NLRP14: variants seen among roughly 807,000 people sequenced by gnomAD.
NLRP14 encodes NLR family pyrin domain containing 14.
In NLRP14, 105 loss-of-function variants were observed where a neutral mutation model predicts 94.7. The ratio of observed to expected loss-of-function variants is 1.11; its 90% CI spans 0.95 to 1.30. The LOEUF is 1.30. Among genes scored for constraint, NLRP14 ranks in the 50% most tolerant of loss-of-function variants. NLRP14 has a pLI of 0.00. For synonymous variants in NLRP14, 508 were observed against 459.9 expected (o/e 1.10, Z -1.34); for missense variants, 1,362 against 1,254.1 (o/e 1.09, Z -1.30).
At chr11:7,090,286 G>A in the NLRP14 span, 25 of 1,599,210 alleles carry the variant, frequency 1.6e-5, no homozygotes, top group Non-Finnish European at 2.0e-5. Flanking sequence ...GGAGGAGGCC[G>A]GAGCAGATAC....
chr11:7,056,872 C>CA (rs1272285136), intron 6 of NLRP14, among the ~76,000 whole-genome samples: 1 of 151,984 alleles, frequency 6.6e-6, no homozygotes, highest in Admixed American at 6.6e-5. Flanking sequence ...AGCCTTAGGC[C>CA]ATGTTCTAGG....
intron 1 of NLRP14, among the ~76,000 whole-genome samples, chr11:7,031,831 C>T (rs973432873): frequency 1.3e-5 from 2 of 152,148 alleles, no homozygotes; most frequent in Non-Finnish European, 2.9e-5. Context: ...CACTGGTGCT[C>T]CAGGTTATCA....
In NLRP14 at chr11:7,049,560, A is replaced by G. The variant is rs996395881; in HGVS notation, c.2124-111A>G. ...AACCCAATTGTTTTAGATGAAAATA[A>G]GATAAAAGAATATTCATGTAATATC... On this transcript the variant is annotated intron_variant, in intron 5 of 11. Coordinates refer to ENST00000299481, the MANE Select transcript of NLRP14 (RefSeq NM_176822.4). 4.9e-6 allele frequency: 4 copies of G among 809,656 alleles called. No homozygotes were observed. In the African/African-American group the frequency reaches 5.2e-5, roughly 10 times the overall value. The allele number at this position is 809,656 out of a possible 1,614,324, so 50.2% of individuals were successfully genotyped here.
chr11:7,038,649 G>A lies in NLRP14; in HGVS notation c.63G>A (p.Glu21=), dbSNP rs907877272. The A allele has an allele frequency of 6.2e-7, 1 of 1,613,836 alleles. No individual in the cohort carries two copies. The highest frequency in any genetic ancestry group is 8.5e-7 in the Non-Finnish European group (1 of 1,179,794). ...PDFGLLLYLE[E]LNKEELNTFK... Reference sequence around the variant, plus strand: ...TTGGGCTGCTATTGTATTTGGAGGAGCTAAACAAAGAGGAATTAAATACAT... The same window carrying A: ...TTGGGCTGCTATTGTATTTGGAGGAACTAAACAAAGAGGAATTAAATACAT... Residue 21 remains glutamate, a synonymous_variant, in exon 2 of 12, where the codon GAG becomes GAA. Coordinates refer to ENST00000299481, the MANE Select transcript of NLRP14 (RefSeq NM_176822.4).
the NLRP14 span, chr11:7,089,706 C>T: frequency 9.2e-6 from 14 of 1,523,074 alleles, no homozygotes; most frequent in South Asian, 3.6e-5. Context: ...CCCACCGCGC[C>T]GGGAGCCGCT....
intron 5 of NLRP14, 145 bp from the exon 6 acceptor site, chr11:7,049,526 T>C: frequency 6.0e-6 from 4 of 669,702 alleles, no homozygotes; most frequent in Non-Finnish European, 1.0e-5. Flanking sequence ...AAATAGAAAT[T>C]GAAGTTATAA....
intron 1 of NLRP14, among the ~76,000 whole-genome samples, chr11:7,028,631 A>G (rs902732): frequency 0.58 from 87,894 of 151,972 alleles, 26,399 homozygotes; most frequent in East Asian, 0.73. Flanking sequence ...ATAGAGCTCT[A>G]CATGATATCT....
At chr11:7,089,160 G>A in the NLRP14 span, 1 of 1,614,046 alleles carries the variant, frequency 6.2e-7, no homozygotes, top group Non-Finnish European at 8.5e-7. Context: ...GTTCATTGGG[G>A]GCCTCAACCT....
chr11:7,057,928 C>T (rs910683871), intron 7 of NLRP14, 81 bp downstream of exon 7: 15 of 1,170,822 alleles, frequency 1.3e-5, no homozygotes, highest in Non-Finnish European at 1.9e-5. Context: ...AGGGAAACTT[C>T]TTGGGTCTTG....
In NLRP14 at chr11:7,060,002, C is replaced by T. The variant is rs916547285; in HGVS notation, c.2742C>T (p.Asp914=). ...ATCTAGGATCAAACTGGCTACAAGA[C>T]AATGGAGTGAAGCTTCTGTGTGATG... ...HLDLGSNWLQ[D]NGVKLLCDVF... Residue 914 remains aspartate, a synonymous_variant, in exon 9 of 12, where the codon GAC becomes GAT. Coordinates refer to ENST00000299481, the MANE Select transcript of NLRP14 (RefSeq NM_176822.4). The T allele has an allele frequency of 1.2e-5, 20 of 1,612,646 alleles. No individual in the cohort carries two copies. Among genetic ancestry groups the T allele is most frequent in the Admixed American group, 1.7e-5 (1 of 59,918 alleles).
At chr11:7,069,440 A>G (rs913715330) in intron 10 of NLRP14, among the ~76,000 whole-genome samples, 1 of 152,208 alleles carries the variant, frequency 6.6e-6, no homozygotes, top group South Asian at 2.1e-4. Flanking sequence ...GTTCACGTAT[A>G]TACTATTATC....
the NLRP14 span, among the ~76,000 whole-genome samples, chr11:7,082,068 C>A: frequency 6.6e-6 from 1 of 152,140 alleles, no homozygotes; most frequent in Admixed American, 6.5e-5. Flanking sequence ...TCCTACCACT[C>A]AGGAGTCTCC....
At chr11:7,062,671 T>A (rs1589871990) in intron 10 of NLRP14, among the ~76,000 whole-genome samples, 168 bp downstream of exon 10, 1 of 152,218 alleles carries the variant, frequency 6.6e-6, no homozygotes, top group East Asian at 1.9e-4. Context: ...GTACTGCATG[T>A]TCTTTAGTAT....
At chr11:7,089,603 C>A in the NLRP14 span, 2 of 1,195,804 alleles carry the variant, frequency 1.7e-6, no homozygotes, top group Non-Finnish European at 1.0e-6. Context: ...GCCCACCCCC[C>A]AAGAGGGCCG....
At position 7,043,098 on chromosome 11, in the gene NLRP14, A is replaced by G. The variant is rs775443540; in HGVS notation, c.1072A>G (p.Ser358Gly). 3.1e-6 allele frequency: 5 copies of G among 1,614,082 alleles called. No individual in the cohort carries two copies. The highest frequency in any genetic ancestry group is 1.1e-5 in the South Asian group (1 of 91,090). The change falls in exon 4 of 12, where the codon AGC becomes GGC. Residue 358 changes from serine to glycine, a missense_variant. Physicochemically the swap from Ser to Gly is moderately conservative, Grantham distance 56 (BLOSUM62 0). Coordinates refer to ENST00000299481, the MANE Select transcript of NLRP14 (RefSeq NM_176822.4). The stretch of plus-strand genomic sequence containing the variant: ...CATGAAAGTATTCAGTTCACTAAAA[A>G]GCAATGAGATGCTGTTTAGCATGTG... ...WAMKVFSSLKSNEMLFSMCQV... is the reference protein window; with the variant it reads ...WAMKVFSSLKGNEMLFSMCQV...
downstream of NLRP14, among the ~76,000 whole-genome samples, chr11:7,076,365 G>A (rs1020735005): frequency 2.0e-5 from 3 of 151,898 alleles, no homozygotes; most frequent in South Asian, 2.1e-4. Flanking sequence ...ATGTTTTATC[G>A]TTTTCTTTTT....
At chr11:7,080,847 G>T in the NLRP14 span, among the ~76,000 whole-genome samples, 2 of 152,208 alleles carry the variant, frequency 1.3e-5, no homozygotes, top group Non-Finnish European at 2.9e-5. Flanking sequence ...GGTGCTCCTG[G>T]CCGATTGTGG....
At chr11:7,078,600 G>A in the NLRP14 span, among the ~76,000 whole-genome samples, 1 of 151,676 alleles carries the variant, frequency 6.6e-6, no homozygotes, top group Admixed American at 6.6e-5. Context: ...GACCACCCTG[G>A]CTAACATGGT....
chr11:7,027,528 C>T lies in NLRP14; in HGVS notation c.-22+6758C>T, dbSNP rs568432090. 1.1e-4 allele frequency among the ~76,000 whole-genome samples: 16 copies of T among 152,240 alleles called. No individual in the cohort carries two copies. In the South Asian group the frequency reaches 3.1e-3, roughly 30 times the overall value. On this transcript the variant is annotated intron_variant, in intron 1 of 11. Coordinates refer to ENST00000299481, the MANE Select transcript of NLRP14 (RefSeq NM_176822.4). ...TCCCAAAGTCTCCACCTCCTAATAT[C>T]ATCAGATTGAGGATTAGGTTTCAGC...
Sources: gnomAD v4.1 joint callset for allele counts (sites outside exome capture counted in the v4.1 genomes callset) on GRCh38, gnomAD v4.1.1 for gene constraint, MANE v1.5 for transcripts, NCBI Gene and HGNC (gene_info 2026-07-23, HGNC 2026-07-21) for gene names.